Variants in STAC observed in about 807,000 individuals in gnomAD.
The protein encoded by STAC is SH3 and cysteine rich domain, also known as SH3 and cysteine-rich domain-containing protein.
A neutral mutation model predicts 48.8 loss-of-function variants in STAC; 43 were observed. The observed-to-expected ratio is 0.88, with a 90% CI of 0.69 to 1.14. The LOEUF (loss-of-function observed/expected upper bound fraction) is 1.14. Ranked by LOEUF, STAC falls within the 50% of genes most tolerant of loss-of-function variation. The pLI is 0.00. For synonymous variants in STAC, 193 were observed against 179.5 expected, an observed-to-expected ratio of 1.07 and a Z score of -0.60; for missense variants, 497 against 504.0, an observed-to-expected ratio of 0.99 and a Z score of 0.13.
At chr3:36,414,320 C>T (rs908035409) in intron 1 of STAC, among the ~76,000 whole-genome samples, 17 of 152,106 alleles carry the variant, frequency 1.1e-4, no homozygotes, top group South Asian at 8.3e-4. Flanking sequence ...ACCAATCAGA[C>T]GTAGATTTGG....
At chr3:36,428,177 C>T (rs1700611618) in intron 1 of STAC, among the ~76,000 whole-genome samples, 1 of 152,086 alleles carries the variant, frequency 6.6e-6, no homozygotes, top group Non-Finnish European at 1.5e-5. Context: ...TAGAGCTCTT[C>T]TTTGTAAAAT....
intron 8 of STAC, among the ~76,000 whole-genome samples, chr3:36,511,744 ATTC>A (rs1263763214): frequency 6.6e-6 from 1 of 152,122 alleles, no homozygotes; most frequent in African/African-American, 2.4e-5. Flanking sequence ...GGCTTTCCCA[ATTC>A]TTCTGGTTTG....
Position 36,486,139 on chromosome 3 carries a change from G to A in STAC, c.577G>A (p.Gly193Ser), listed in dbSNP as rs148711558. The A allele has an allele frequency of 1.7e-5, 27 of 1,612,516 alleles. No homozygotes were observed. The highest frequency in any genetic ancestry group is 1.7e-4 in the Middle Eastern group (1 of 6,054). Residue 193 changes from glycine to serine, a missense_variant, in exon 5 of 11, where the codon GGC becomes AGC. Physicochemically the swap from Gly to Ser is moderately conservative, Grantham distance 56. Coordinates refer to ENST00000273183, the MANE Select transcript of STAC (RefSeq NM_003149.3). ...AACTTTCTCTTCTGTTGCAGCCTGTGGCAATAAGGTGGACCCTGTCTACGA... is the reference window on the plus strand; with the variant it reads ...AACTTTCTCTTCTGTTGCAGCCTGTAGCAATAAGGTGGACCCTGTCTACGA... ...CIKEVMPIAC[G>S]NKVDPVYETL...
At chr3:36,435,490 G>A (rs907263155) in intron 1 of STAC, among the ~76,000 whole-genome samples, 2 of 151,874 alleles carry the variant, frequency 1.3e-5, no homozygotes, top group Non-Finnish European at 2.9e-5. Flanking sequence ...ATACATGCTG[G>A]AGTAAGCTCC....
intron 2 of STAC, among the ~76,000 whole-genome samples, chr3:36,477,887 G>A (rs577117815): frequency 1.2e-4 from 19 of 152,274 alleles, no homozygotes; most frequent in African/African-American, 4.6e-4. Flanking sequence ...ATCATTCCAA[G>A]GGATGACTTG....
chr3:36,484,892 C>G, intron 3 of STAC, 85 bp from the exon 4 acceptor site: 1 of 1,083,128 alleles, frequency 9.2e-7, no homozygotes. Flanking sequence ...CTGGAGAAAC[C>G]AATTGGTTTT....
At chr3:36,403,909 T>C (rs1412155394) in intron 1 of STAC, among the ~76,000 whole-genome samples, 1 of 152,162 alleles carries the variant, frequency 6.6e-6, no homozygotes, top group Non-Finnish European at 1.5e-5. Flanking sequence ...AGAGCATAGA[T>C]AGAAATTAAA....
Position 36,522,365 on chromosome 3 carries a change from A to G in STAC, c.921-6331A>G, listed in dbSNP as rs73827554. On this transcript the variant is annotated intron_variant, in intron 8 of 10. Transcript: ENST00000273183. ...TGAAGGCAGTAACTATGTCTTTACA[A>G]TAACAGCCACCATCTAATGGGCGCT... Among the ~76,000 whole-genome samples, 203 of 152,316 alleles carry G rather than the reference A, an allele frequency of 1.3e-3. 1 individual carries two copies. Among genetic ancestry groups the G allele is most frequent in the African/African-American group, 4.6e-3 (190 of 41,572 alleles).
intron 8 of STAC, among the ~76,000 whole-genome samples, chr3:36,512,933 C>T (rs1698578014): frequency 6.6e-6 from 1 of 152,078 alleles, no homozygotes; most frequent in Non-Finnish European, 1.5e-5. Context: ...ACCTTTTTCT[C>T]CTCAGATCAT....
intron 10 of STAC, among the ~76,000 whole-genome samples, chr3:36,538,431 G>C (rs1699248585): frequency 6.6e-6 from 1 of 152,124 alleles, no homozygotes; most frequent in Non-Finnish European, 1.5e-5. Flanking sequence ...TGGATATTCA[G>C]AGTTTTTATT....
chr3:36,411,534 C>G (rs1307859055), intron 1 of STAC, among the ~76,000 whole-genome samples: 1 of 152,128 alleles, frequency 6.6e-6, no homozygotes, highest in East Asian at 1.9e-4. Context: ...GGGAGAAGTT[C>G]CAAACTGACT....
At chr3:36,421,807 T>C (rs893399659) in intron 1 of STAC, among the ~76,000 whole-genome samples, 4 of 152,094 alleles carry the variant, frequency 2.6e-5, no homozygotes, top group African/African-American at 9.7e-5. Context: ...CTTTCACCTT[T>C]CCTACTGTTT....
At chr3:36,384,149 T>A (rs1006656825) in intron 1 of STAC, among the ~76,000 whole-genome samples, 8 of 152,228 alleles carry the variant, frequency 5.3e-5, no homozygotes, top group Non-Finnish European at 8.8e-5. Flanking sequence ...AAAAATTTCA[T>A]GTCCCATTAT....
chr3:36,515,271 T>A (rs1698642926), intron 8 of STAC, among the ~76,000 whole-genome samples: 2 of 152,074 alleles, frequency 1.3e-5, no homozygotes. Flanking sequence ...TGCTAAGCCT[T>A]TACTGAAGCT....
At chr3:36,466,466 C>A (rs1433688136) in intron 2 of STAC, among the ~76,000 whole-genome samples, 6 of 152,084 alleles carry the variant, frequency 3.9e-5, no homozygotes, top group Admixed American at 6.5e-5. Flanking sequence ...ATGGGAATTG[C>A]ATTGAATTTA....
At chr3:36,390,272 C>A (rs889922464) in intron 1 of STAC, among the ~76,000 whole-genome samples, 10 of 152,080 alleles carry the variant, frequency 6.6e-5, no homozygotes, top group Admixed American at 2.6e-4. Flanking sequence ...TCCTTAAGAT[C>A]CCCTTCTACA....
At chr3:36,510,068 A>G (rs1698498070) in intron 8 of STAC, among the ~76,000 whole-genome samples, 1 of 152,166 alleles carries the variant, frequency 6.6e-6, no homozygotes, top group African/African-American at 2.4e-5. Flanking sequence ...CCATCTGACA[A>G]AGGGCTAATA....
chr3:36,500,772 T>A (rs891099029), intron 6 of STAC, among the ~76,000 whole-genome samples: 5 of 152,016 alleles, frequency 3.3e-5, no homozygotes, highest in Admixed American at 6.6e-5. Context: ...AACCAATAAT[T>A]TGTAAAATAA....
intron 8 of STAC, among the ~76,000 whole-genome samples, chr3:36,507,641 C>T (rs537050828): frequency 6.6e-6 from 1 of 152,204 alleles, no homozygotes; most frequent in African/African-American, 2.4e-5. Context: ...CTGATTTAGT[C>T]TTGGGAGGGT....
Sources: gnomAD v4.1 joint callset for allele counts (sites outside exome capture counted in the v4.1 genomes callset) on GRCh38, gnomAD v4.1.1 for gene constraint, MANE v1.5 for transcripts, NCBI Gene and HGNC (gene_info 2026-07-23, HGNC 2026-07-21) for gene names.